NRCAM: variants seen among roughly 807,000 people sequenced by gnomAD.
The protein encoded by NRCAM is NgCAM-related cell adhesion molecule.
In NRCAM, 83 loss-of-function variants were observed where a neutral mutation model predicts 156.5. The observed-to-expected ratio is 0.53, with a 90% confidence interval of 0.44 to 0.64. The LOEUF is 0.64. NRCAM is among the 30% of genes least tolerant of loss of function. The pLI is 0.00. For synonymous variants in NRCAM, 538 were observed against 563.9 expected, an observed-to-expected ratio of 0.95 and a Z score of 0.65; for missense variants, 1,417 against 1,597.3, an observed-to-expected ratio of 0.89 and a Z score of 1.92.
intron 1 of NRCAM, among the ~76,000 whole-genome samples, chr7:108,426,419 T>C (rs1563756349): frequency 6.6e-6 from 1 of 152,268 alleles, no homozygotes; most frequent in African/African-American, 2.4e-5. Context: ...AATGCCTTTA[T>C]AGTTCATAAA....
chr7:108,432,951 AAGG>A (rs1389247012), intron 1 of NRCAM, among the ~76,000 whole-genome samples: 6 of 151,822 alleles, frequency 4.0e-5, no homozygotes, highest in East Asian at 1.9e-4. Flanking sequence ...AGAGAAGGAG[AAGG>A]AGAAGGAGGA....
At chr7:108,358,974 A>ATGCATATC (rs1218422412) in intron 2 of NRCAM, among the ~76,000 whole-genome samples, 2 of 152,218 alleles carry the variant, frequency 1.3e-5, no homozygotes, top group Non-Finnish European at 2.9e-5. Context: ...AGATATGTCT[A>ATGCATATC]TAAGCTCAGG....
chr7:108,394,344 C>T (rs1391841150), intron 2 of NRCAM, among the ~76,000 whole-genome samples: 3 of 152,138 alleles, frequency 2.0e-5, no homozygotes, highest in Non-Finnish European at 4.4e-5. Flanking sequence ...ACTCAGGATG[C>T]GGCCCTGTGA....
chr7:108,392,006 C>A (rs190869433), intron 2 of NRCAM, among the ~76,000 whole-genome samples: 4 of 152,122 alleles, frequency 2.6e-5, no homozygotes, highest in Non-Finnish European at 4.4e-5. Context: ...TGCCCTTAAC[C>A]TTTTTTCCTT....
At chr7:108,371,010 C>T (rs2099625068) in intron 2 of NRCAM, among the ~76,000 whole-genome samples, 1 of 152,046 alleles carries the variant, frequency 6.6e-6, no homozygotes, top group South Asian at 2.1e-4. Flanking sequence ...TTGTTGCAGA[C>T]AATAGATTTG....
At chr7:108,388,100 C>T (rs1476224448) in intron 2 of NRCAM, among the ~76,000 whole-genome samples, 11 of 152,050 alleles carry the variant, frequency 7.2e-5, no homozygotes, top group Admixed American at 6.6e-4. Context: ...GGTCAAATGG[C>T]ATTTCTAGTT....
At chr7:108,236,948 G>C in intron 5 of NRCAM, among the ~76,000 whole-genome samples, 1 of 152,142 alleles carries the variant, frequency 6.6e-6, no homozygotes, top group East Asian at 1.9e-4. Flanking sequence ...GTCTGCAGCA[G>C]AGCTGGCTCA....
chr7:108,316,530 C>A (rs1290480120), intron 2 of NRCAM, among the ~76,000 whole-genome samples: 1 of 152,036 alleles, frequency 6.6e-6, no homozygotes, highest in Admixed American at 6.6e-5. Flanking sequence ...AATCCCAGCA[C>A]TTTGGGAGGC....
At chr7:108,359,794 C>T (rs2099536194) in intron 2 of NRCAM, among the ~76,000 whole-genome samples, 1 of 152,168 alleles carries the variant, frequency 6.6e-6, no homozygotes, top group African/African-American at 2.4e-5. Context: ...TGTCTGTTAC[C>T]ATGTAGCTCC....
intron 15 of NRCAM, among the ~76,000 whole-genome samples, chr7:108,194,931 C>T (rs971020533): frequency 4.6e-5 from 7 of 152,112 alleles, no homozygotes; most frequent in African/African-American, 1.4e-4. Context: ...ACTTAAACCT[C>T]GGGTGGCATA....
At chr7:108,206,887 G>A (rs947916297) in intron 13 of NRCAM, among the ~76,000 whole-genome samples, 5 of 152,146 alleles carry the variant, frequency 3.3e-5, no homozygotes, top group East Asian at 1.9e-4. Flanking sequence ...GCTGCTGAAC[G>A]GGGCAACAAG....
rs567062911 is a variant in NRCAM, at chr7:108,392,548, G to A, written c.-174+6888C>T. ...TCCTTTAGCTCAGAGAAGTTTGATC[G>A]TCTGAAGCCCTCTTCTCTCAACTCG... On this transcript the variant is annotated intron_variant, in intron 2 of 32. Transcript: ENST00000379028. Among the ~76,000 whole-genome samples, 217 of 151,954 alleles carry A rather than the reference G, an allele frequency of 1.4e-3. 2 individuals carry two copies. The highest frequency in any genetic ancestry group is 4.3e-3 in the African/African-American group (179 of 41,500).
rs528210326 is a variant in NRCAM at position 108,312,138 on chromosome 7, G to C, written c.-107+527C>G. ...ACAGCGGGGTAGGAAATAAGAAATG[G>C]GGAAGGAATTTACAAAGCAGAAATC... On this transcript the variant is annotated intron_variant, in intron 3 of 32. Coordinates refer to ENST00000379028, the MANE Select transcript of NRCAM (RefSeq NM_001037132.4). Among the ~76,000 whole-genome samples the C allele has an allele frequency of 3.3e-5, 5 of 152,130 alleles. No individual in the cohort carries two copies. The East Asian group carries it at 9.7e-4, about 29-fold the overall frequency.
chr7:108,245,980 T>G (rs995112876), intron 3 of NRCAM, among the ~76,000 whole-genome samples: 3 of 152,210 alleles, frequency 2.0e-5, no homozygotes, highest in Admixed American at 6.5e-5. Context: ...GTGAGACTAA[T>G]AGCAACCCTG....
chr7:108,315,724 A>G (rs993580112), intron 2 of NRCAM, among the ~76,000 whole-genome samples: 2 of 152,162 alleles, frequency 1.3e-5, no homozygotes, highest in Non-Finnish European at 2.9e-5. Flanking sequence ...ATCTTGTGGA[A>G]GTTAGGGTGG....
chr7:108,312,815 T>C (rs1364185361), intron 2 of NRCAM, 84 bp from the exon 3 acceptor site: 1 of 152,184 alleles, frequency 6.6e-6, no homozygotes, highest in Non-Finnish European at 1.5e-5. Flanking sequence ...TAACTCCAAC[T>C]GGCTCTCTTA....
intron 3 of NRCAM, among the ~76,000 whole-genome samples, chr7:108,248,801 G>A (rs2096137880): frequency 6.6e-6 from 1 of 152,148 alleles, no homozygotes; most frequent in Non-Finnish European, 1.5e-5. Flanking sequence ...GGAAATGCTG[G>A]GGTGTGGGTG....
rs184345117 is a variant in NRCAM at position 108,329,865 on chromosome 7, C to T, written c.-173-17134G>A. On this transcript the variant is annotated intron_variant, in intron 2 of 32. Transcript: ENST00000379028. The stretch of plus-strand genomic sequence containing the variant: ...CTTAATATGTCCCAATGAGCCTTGA[C>T]TTATGCTAATAAAAACTTGAAAAAT... 3.3e-5 allele frequency among the ~76,000 whole-genome samples: 5 copies of T among 152,264 alleles called. No homozygotes were observed. The East Asian group carries it at 9.6e-4, about 29-fold the overall frequency.
At chr7:108,451,669 T>C (rs1025183934) in intron 1 of NRCAM, among the ~76,000 whole-genome samples, 4 of 152,222 alleles carry the variant, frequency 2.6e-5, no homozygotes, top group Admixed American at 6.5e-5. Flanking sequence ...GAAGGCACTA[T>C]GGTAAGCAAA....
Sources: allele counts gnomAD v4.1 joint callset (sites outside exome capture counted in the v4.1 genomes callset), GRCh38; gene constraint gnomAD v4.1.1; transcripts MANE v1.5; gene names NCBI Gene and HGNC (gene_info 2026-07-23, HGNC 2026-07-21).